The following CNOT3 variants were observed in gnomAD, a reference collection of about 807,000 sequenced individuals.
The protein encoded by CNOT3 is CCR4-associated factor 3.
In CNOT3, 2 loss-of-function variants were observed where a neutral mutation model predicts 89.4. The observed-to-expected ratio is 0.02, with a 90% CI of 0.01 to 0.07. The LOEUF is 0.07. Ranked by LOEUF, CNOT3 falls within the 10% of genes least tolerant of loss-of-function variation. The pLI is 1.00. For missense variants in CNOT3, 664 were observed against 1,010.2 expected (o/e 0.66, Z 4.65); for synonymous variants, 486 against 402.0 (o/e 1.21, Z -2.50).
chr19:54,144,372 G>A lies in CNOT3; in HGVS notation c.483+40G>A. ...CCCGACACCTTTGGGATGGGGATGG[G>A]CATGGGAATGGGCTGGCCAGCAGGA... On this transcript the variant is annotated intron_variant, in intron 7 of 17. Transcript: ENST00000221232. The surrounding 1 kb of genome is among the most constrained non-coding windows in gnomAD (Gnocchi z 4.8). 1 of 1,481,186 alleles carries A rather than the reference G, an allele frequency of 6.8e-7. No individual in the cohort carries two copies. Among genetic ancestry groups the A allele is most frequent in the Non-Finnish European group, 9.4e-7 (1 of 1,060,768 alleles). 91.8% of individuals were successfully genotyped at this position (1,481,186 alleles called of 1,614,324 possible).
Position 54,152,885 on chromosome 19 carries a change from C to A in CNOT3, c.1923C>A (p.Asn641Lys). ...SERIRQYLPR[N>K]PCPTPPYHHQ... The stretch of plus-strand genomic sequence containing the variant: ...CTCACAGGCAGTACCTCCCCCGGAA[C>A]CCCTGTCCGACGCCCCCCTACCACC... Residue 641 changes from asparagine (N) to lysine (K), a missense_variant, in exon 16 of 18, where the codon AAC becomes AAA. Coordinates refer to ENST00000221232, the MANE Select transcript of CNOT3 (RefSeq NM_014516.4). The A allele has an allele frequency of 6.7e-7, 1 of 1,498,924 alleles. No homozygotes were observed. Among genetic ancestry groups the A allele is most frequent in the Non-Finnish European group, 9.1e-7 (1 of 1,093,932 alleles). The allele number at this position is 1,498,924 out of a possible 1,614,324, so 92.9% of individuals were successfully genotyped here.
chr19:54,153,976 CT>C (rs2075284454), intron 17 of CNOT3, 136 bp downstream of exon 17: 3 of 1,100,966 alleles, frequency 2.7e-6, no homozygotes, highest in Non-Finnish European at 4.2e-6. Flanking sequence ...CCAAGTACTC[CT>C]CCCTCTGGCT....
intron 10 of CNOT3, among the ~76,000 whole-genome samples, chr19:54,147,301 G>C (rs748470133): frequency 6.6e-6 from 1 of 152,218 alleles, no homozygotes; most frequent in Non-Finnish European, 1.5e-5. Flanking sequence ...GTGGGCTAAC[G>C]GGATGGATGG....
chr19:54,148,014 A>C lies in CNOT3; in HGVS notation c.895-134A>C, dbSNP rs1228809366. On this transcript the variant is annotated intron_variant, in intron 10 of 17. Coordinates refer to ENST00000221232, the MANE Select transcript of CNOT3 (RefSeq NM_014516.4). The surrounding 1 kb of genome is among the most constrained non-coding windows in gnomAD (Gnocchi z 6.3). Reference sequence around the variant, plus strand: ...GTGAGTAAGGTCACCCAGGTCCCCAAGAGGGCAGGAGCAGGTGGGGGCAGC... The same window carrying C: ...GTGAGTAAGGTCACCCAGGTCCCCACGAGGGCAGGAGCAGGTGGGGGCAGC... The C allele has an allele frequency of 1.7e-6, 1 of 579,630 alleles. No homozygotes were observed. The highest frequency in any genetic ancestry group is 2.0e-5 in the African/African-American group (1 of 51,112). The allele number at this position is 579,630 out of a possible 1,614,324, so 35.9% of individuals were successfully genotyped here.
chr19:54,153,941 C>T (rs776405040), intron 17 of CNOT3, 101 bp downstream of exon 17: 3 of 1,452,342 alleles, frequency 2.1e-6, no homozygotes, highest in East Asian at 4.5e-5. Context: ...CTCCACCTTT[C>T]AGCTGGCGCA....
chr19:54,143,420 C>T (rs1381589177), intron 3 of CNOT3, 22 bp from the exon 4 acceptor site: 1 of 1,613,066 alleles, frequency 6.2e-7, no homozygotes. Flanking sequence ...ACACTGACTT[C>T]TCAATTCTCT....
intron 16 of CNOT3, 92 bp from the exon 17 acceptor site, chr19:54,153,623 C>T (rs946141204): frequency 3.6e-5 from 34 of 951,866 alleles, no homozygotes; most frequent in African/African-American, 2.6e-4. Flanking sequence ...TGGCGGGGGC[C>T]GGGGTTCAGC....
chr19:54,153,526 C>T (rs148637646), intron 16 of CNOT3, 189 bp from the exon 17 acceptor site: 47 of 778,926 alleles, frequency 6.0e-5, no homozygotes, highest in Middle Eastern at 2.3e-4. Flanking sequence ...CACCTCCTGT[C>T]TCATTTTCCT....
In CNOT3 at chr19:54,149,577, C is replaced by T. The variant is rs1320270420; in HGVS notation, c.1424C>T (p.Ala475Val). 3 of 1,595,620 alleles carry T rather than the reference C, an allele frequency of 1.9e-6. No individual in the cohort carries two copies. The highest frequency in any genetic ancestry group is 2.6e-6 in the Non-Finnish European group (3 of 1,169,492). The stretch of plus-strand genomic sequence containing the variant: ...CTCTCCAGGAAGGAACCCAGTGCGG[C>T]AGCCCCAACGGGGGCTGGGGGCGTG... ...PPSTSKEPSA[A>V]APTGAGGVAP... is the part of the protein sequence containing the mutation. The change falls in exon 13 of 18, where the codon GCA becomes GTA. Residue 475 changes from alanine to valine, a missense_variant. Around this residue, in one of 8 missense-constraint regions of CNOT3, gnomAD observed 545 missense variants for 566.2 expected, o/e 0.96. Coordinates refer to ENST00000221232, the MANE Select transcript of CNOT3 (RefSeq NM_014516.4).
chr19:54,155,671 GTT>G lies in CNOT3; in HGVS notation c.*267_*268del. On this transcript the variant is annotated 3_prime_UTR_variant, in exon 18 of 18. Coordinates refer to ENST00000221232, the MANE Select transcript of CNOT3 (RefSeq NM_014516.4). ...TTTGGAAAATATTTATGAATAAATA[GTT>G]TTATATGACGGCTGGCAGCAGCGGC... The G allele has an allele frequency of 1.4e-6, 2 of 1,463,952 alleles. No individual in the cohort carries two copies. Among genetic ancestry groups the G allele is most frequent in the Non-Finnish European group, 1.9e-6 (2 of 1,075,462 alleles). 90.7% of individuals were successfully genotyped at this position (1,463,952 alleles called of 1,614,324 possible).
intron 1 of CNOT3, among the ~76,000 whole-genome samples, chr19:54,140,537 G>T (rs1399870697): frequency 2.6e-5 from 4 of 152,212 alleles, no homozygotes; most frequent in Non-Finnish European, 4.4e-5. Flanking sequence ...GTCCTTTGCT[G>T]GGGGGACCAG....
In CNOT3 at chr19:54,148,965, C is replaced by T. The variant is rs141885579; in HGVS notation, c.1406+222C>T. Reference sequence around the variant, plus strand: ...TTGCCCTTCAGAACATTCTAAAATACGTTCTCATCTAAGTGGAAGTTTTCT... The same window carrying T: ...TTGCCCTTCAGAACATTCTAAAATATGTTCTCATCTAAGTGGAAGTTTTCT... On this transcript the variant is annotated intron_variant, in intron 12 of 17. Transcript: ENST00000221232. This position sits in a 1 kb window ranked among gnomAD's most constrained non-coding sequence, Gnocchi z 6.3. Among the ~76,000 whole-genome samples the T allele has an allele frequency of 4.0e-3, 614 of 152,320 alleles. 9 individuals are homozygous for T. Among genetic ancestry groups the T allele is most frequent in the South Asian group, 0.037 (177 of 4,824 alleles).
chr19:54,146,702 G>C, intron 10 of CNOT3, 45 bp downstream of exon 10: 1 of 1,072,408 alleles, frequency 9.3e-7, no homozygotes, highest in South Asian at 1.2e-5. Context: ...TCACTCCTCT[G>C]TTGCTTCCCA....
chr19:54,151,207 C>A (rs587625022), intron 13 of CNOT3, among the ~76,000 whole-genome samples: 1 of 152,244 alleles, frequency 6.6e-6, no homozygotes, highest in Non-Finnish European at 1.5e-5. Flanking sequence ...CCACCAACAA[C>A]AAAAATGAAT....
At position 54,148,458 on chromosome 19, in the gene CNOT3, G is replaced by T; in HGVS notation, c.1205G>T (p.Gly402Val). Reference protein sequence around the residue: ...SVQPSGGGGGGSGGGGSSSSS... With the variant: ...SVQPSGGGGGVSGGGGSSSSS... Reference sequence around the variant, plus strand: ...CAGCCTAGCGGAGGCGGAGGCGGCGGCAGCGGAGGCGGAGGGAGCAGCAGC... The same window carrying T: ...CAGCCTAGCGGAGGCGGAGGCGGCGTCAGCGGAGGCGGAGGGAGCAGCAGC... The change falls in exon 11 of 18, where the codon GGC (glycine) becomes GTC (valine). Residue 402 changes from glycine (G) to valine (V), a missense_variant. Gly to Val is a moderately radical substitution (Grantham distance 109). Around this residue, in one of 8 missense-constraint regions of CNOT3, gnomAD observed 545 missense variants for 566.2 expected, o/e 0.96. Transcript: ENST00000221232. This position sits in a 1 kb window ranked among gnomAD's most constrained non-coding sequence, Gnocchi z 6.3. 1.9e-6 allele frequency: 3 copies of T among 1,564,212 alleles called. No individual in the cohort carries two copies. Among genetic ancestry groups the T allele is most frequent in the Non-Finnish European group, 2.6e-6 (3 of 1,152,638 alleles).
intron 13 of CNOT3, among the ~76,000 whole-genome samples, chr19:54,151,363 G>T (rs952429421): frequency 1.3e-5 from 2 of 152,122 alleles, no homozygotes; most frequent in Non-Finnish European, 2.9e-5. Flanking sequence ...GGGCTGTGTG[G>T]GACATGGTGG....
chr19:54,153,913 T>A lies in CNOT3; in HGVS notation c.2163+73T>A, dbSNP rs749757709. The stretch of plus-strand genomic sequence containing the variant: ...TCCCCAGGCTCCAGGCAGCCCCTGC[T>A]GGCCTCTGCTCCCTTGCCTCCACCT... On this transcript the variant is annotated intron_variant, in intron 17 of 17. Coordinates refer to ENST00000221232, the MANE Select transcript of CNOT3 (RefSeq NM_014516.4). 3.8e-6 allele frequency: 6 copies of A among 1,594,790 alleles called. No homozygotes were observed. In the Admixed American group the frequency reaches 5.0e-5, roughly 13 times the overall value.
In CNOT3 at chr19:54,144,859, G is replaced by C. The variant is rs1373003582; in HGVS notation, c.483+527G>C. 1.3e-5 allele frequency among the ~76,000 whole-genome samples: 2 copies of C among 152,136 alleles called. No homozygotes were observed. Among genetic ancestry groups the C allele is most frequent in the African/African-American group, 4.8e-5 (2 of 41,412 alleles). On this transcript the variant is annotated intron_variant, in intron 7 of 17. Transcript: ENST00000221232. The surrounding 1 kb of genome is among the most constrained non-coding windows in gnomAD (Gnocchi z 4.8). ...AGTTCAAAGGGATACAAACTGTACA[G>C]ACTTGCTGAAACCAGAAAGACAGGG...
At position 54,148,848 on chromosome 19, in the gene CNOT3, C is replaced by A. The variant is rs2074864281; in HGVS notation, c.1406+105C>A. 2 of 1,022,502 alleles carry A rather than the reference C, an allele frequency of 2.0e-6. No individual in the cohort carries two copies. Among genetic ancestry groups the A allele is most frequent in the Non-Finnish European group, 2.8e-6 (2 of 707,004 alleles). 63.3% of individuals were successfully genotyped at this position (1,022,502 alleles called of 1,614,324 possible). ...GTGGGTTCTGAACCCCCCGCCCTTG[C>A]TGCTGGGAATGGCCAAGCGCTATCC... On this transcript the variant is annotated intron_variant, in intron 12 of 17. Coordinates refer to ENST00000221232, the MANE Select transcript of CNOT3 (RefSeq NM_014516.4). The surrounding 1 kb of genome is among the most constrained non-coding windows in gnomAD (Gnocchi z 6.3).
Sources: allele counts gnomAD v4.1 joint callset (sites outside exome capture counted in the v4.1 genomes callset), GRCh38; gene constraint gnomAD v4.1.1; regional missense constraint gnomAD v4.1.1; non-coding constraint Gnocchi (gnomAD v3.1); transcripts MANE v1.5; gene names NCBI Gene and HGNC (gene_info 2026-07-23, HGNC 2026-07-21).